Variants in LRBA observed in about 807,000 individuals in gnomAD.
LRBA encodes LPS responsive beige-like anchor protein, also known as lipopolysaccharide-responsive and beige-like anchor protein.
LRBA carries 176 observed loss-of-function variants against 330.0 expected under a neutral mutation model. That is an observed-to-expected ratio of 0.53 (90% CI 0.47 to 0.60). LRBA has a LOEUF of 0.60. Ranked by LOEUF, LRBA falls within the 20% of genes least tolerant of loss-of-function variation. The pLI, the probability that LRBA is intolerant of heterozygous loss-of-function variation, is 0.00. For missense variants in LRBA, 3,259 were observed against 3,444.8 expected, an observed-to-expected ratio of 0.95 and a Z score of 1.35; for synonymous variants, 1,230 against 1,193.0, an observed-to-expected ratio of 1.03 and a Z score of -0.64.
chr4:150,514,952 G>T (rs1217641534), intron 40 of LRBA, among the ~76,000 whole-genome samples: 1 of 152,092 alleles, frequency 6.6e-6, no homozygotes, highest in African/African-American at 2.4e-5. Flanking sequence ...CACAGAACAG[G>T]TTCATAGCTA....
chr4:150,967,400 C>T (rs1360363144), intron 2 of LRBA, among the ~76,000 whole-genome samples: 3 of 152,200 alleles, frequency 2.0e-5, no homozygotes, highest in African/African-American at 7.2e-5. Flanking sequence ...TATTCTACTC[C>T]CTTGCCTTTG....
intron 44 of LRBA, among the ~76,000 whole-genome samples, chr4:150,446,295 T>TA (rs1752608160): frequency 6.6e-6 from 1 of 152,158 alleles, no homozygotes; most frequent in Non-Finnish European, 1.5e-5. Flanking sequence ...AACAAGGAGA[T>TA]AAAATATTGT....
At chr4:150,361,963 G>A (rs199766916) in intron 47 of LRBA, among the ~76,000 whole-genome samples, 1 of 151,840 alleles carries the variant, frequency 6.6e-6, no homozygotes, top group South Asian at 2.1e-4. Context: ...TAGTAGAGAC[G>A]GGGTTTCACC....
intron 2 of LRBA, among the ~76,000 whole-genome samples, chr4:150,997,946 C>T (rs1168416478): frequency 2.0e-5 from 3 of 152,052 alleles, no homozygotes; most frequent in East Asian, 1.9e-4. Flanking sequence ...TCAAGTGATC[C>T]GCCCACCTCG....
At chr4:151,014,176 T>A (rs1033386073) in intron 2 of LRBA, 1 of 374,006 alleles carries the variant, frequency 2.7e-6, no homozygotes, top group Non-Finnish European at 4.8e-6. Context: ...AATACTTCCA[T>A]AGCAACAATT....
chr4:150,314,233 G>T (rs1305238531), intron 51 of LRBA, among the ~76,000 whole-genome samples: 1 of 152,014 alleles, frequency 6.6e-6, no homozygotes, highest in South Asian at 2.1e-4. Context: ...CTCAGCAAAT[G>T]GGCTTTATTA....
intron 40 of LRBA, among the ~76,000 whole-genome samples, chr4:150,544,727 T>G (rs920399965): frequency 6.6e-6 from 1 of 152,218 alleles, no homozygotes; most frequent in Non-Finnish European, 1.5e-5. Context: ...TCTAAACATA[T>G]GGGCCTGACC....
chr4:151,001,868 C>T (rs72721733), intron 2 of LRBA, among the ~76,000 whole-genome samples: 170 of 152,262 alleles, frequency 1.1e-3, no homozygotes, highest in Non-Finnish European at 1.7e-3. Context: ...CAGCCCACTG[C>T]TGTCACCACT....
At chr4:150,289,252 T>G (rs1028541344) in intron 53 of LRBA, among the ~76,000 whole-genome samples, 5 of 152,170 alleles carry the variant, frequency 3.3e-5, no homozygotes, top group Non-Finnish European at 7.3e-5. Context: ...AATCCAAACT[T>G]TATTAAATCA....
intron 44 of LRBA, among the ~76,000 whole-genome samples, chr4:150,450,852 C>T (rs1342376850): frequency 2.0e-5 from 3 of 151,956 alleles, no homozygotes; most frequent in Admixed American, 6.6e-5. Context: ...CTGGCCAACA[C>T]GGCAAAACCT....
intron 22 of LRBA, among the ~76,000 whole-genome samples, chr4:150,864,782 G>A (rs1292756848): frequency 1.3e-5 from 2 of 151,734 alleles, no homozygotes; most frequent in Non-Finnish European, 2.9e-5. Flanking sequence ...AAGTACCTGG[G>A]ATTACAGGCA....
intron 47 of LRBA, among the ~76,000 whole-genome samples, chr4:150,394,843 G>A (rs781244725): frequency 6.6e-6 from 1 of 152,136 alleles, no homozygotes; most frequent in Non-Finnish European, 1.5e-5. Context: ...TGGGGAGCAG[G>A]TGGTCTGTAG....
intron 31 of LRBA, among the ~76,000 whole-genome samples, chr4:150,810,024 G>A (rs966236712): frequency 2.0e-5 from 3 of 152,048 alleles, no homozygotes; most frequent in Non-Finnish European, 2.9e-5. Flanking sequence ...TTTTTGGTAA[G>A]GCAAATAAGG....
intron 40 of LRBA, among the ~76,000 whole-genome samples, chr4:150,559,876 T>TATATATAATTATATATAATTATATATA (rs1768024474): frequency 5.9e-5 from 1 of 16,888 alleles, no homozygotes; most frequent in Non-Finnish European, 1.4e-4. Context: ...AATATATAAT[T>TATATATAATTATATATAATTATATATA]ATATATAATT....
chr4:150,906,013 G>A, intron 12 of LRBA, 23 bp from the exon 13 acceptor site: 1 of 1,605,464 alleles, frequency 6.2e-7, no homozygotes, highest in East Asian at 2.2e-5. Flanking sequence ...TAGTTCAAAT[G>A]TTACCACAAA....
chr4:150,426,578 A>G (rs1749645508), intron 46 of LRBA, among the ~76,000 whole-genome samples: 1 of 151,954 alleles, frequency 6.6e-6, no homozygotes, highest in East Asian at 1.9e-4. Context: ...AATTCTATAT[A>G]TACATAAGAT....
rs1232538443 is a variant in LRBA, at chr4:150,866,805, A to G, written c.2766+866T>C. On this transcript the variant is annotated intron_variant, in intron 22 of 56. Transcript: ENST00000651943. ...GGGTCAATGTGGATGAATCTCAAAC[A>G]GTAATAAGCACAAACAGTAATTAAC... is the stretch of plus-strand genomic sequence containing the variant. Among the ~76,000 whole-genome samples the G allele has an allele frequency of 3.3e-5, 5 of 152,216 alleles. No individual in the cohort carries two copies. In the East Asian group the frequency reaches 7.7e-4, roughly 23 times the overall value.
chr4:150,394,777 G>A (rs960406899), intron 47 of LRBA, among the ~76,000 whole-genome samples: 2 of 152,204 alleles, frequency 1.3e-5, no homozygotes, highest in African/African-American at 4.8e-5. Flanking sequence ...GAATATTTTT[G>A]TGATAATATA....
intron 34 of LRBA, among the ~76,000 whole-genome samples, chr4:150,768,239 A>G (rs188315790): frequency 5.9e-5 from 9 of 152,204 alleles, no homozygotes; most frequent in Admixed American, 1.3e-4. Context: ...CACTTAGAGG[A>G]CCAAAGAAAA....
Sources: gnomAD v4.1 joint callset for allele counts (sites outside exome capture counted in the v4.1 genomes callset) on GRCh38, gnomAD v4.1.1 for gene constraint, MANE v1.5 for transcripts, NCBI Gene and HGNC (gene_info 2026-07-23, HGNC 2026-07-21) for gene names.